The following SS18L1 variants were observed in gnomAD, a reference collection of about 807,000 sequenced individuals.
SS18L1 encodes the protein calcium-responsive transactivator.
In SS18L1, 32 loss-of-function variants were observed where a neutral mutation model predicts 70.3. That is an observed-to-expected ratio of 0.46 (90% CI 0.34 to 0.61). The LOEUF (loss-of-function observed/expected upper bound fraction) is 0.61, where lower values mean the gene tolerates loss of function less well. Among genes scored for constraint, SS18L1 ranks in the 20% least tolerant of loss-of-function variants. The probability of loss-of-function intolerance (pLI) is 0.01; values close to 1 mark genes in which losing one functional copy is unlikely to be tolerated. For missense variants in SS18L1, 430 were observed against 542.1 expected (o/e 0.79, Z 2.05); for synonymous variants, 237 against 229.7 (o/e 1.03, Z -0.29).
chr20:62,160,228 A>G (rs2057299522), intron 3 of SS18L1, among the ~76,000 whole-genome samples: 3 of 123,856 alleles, frequency 2.4e-5, no homozygotes. Flanking sequence ...CGGAGAAGCC[A>G]CTCCAGGAGC....
intron 1 of SS18L1, among the ~76,000 whole-genome samples, chr20:62,155,527 C>T (rs1193269914): frequency 1.3e-5 from 2 of 152,238 alleles, no homozygotes; most frequent in African/African-American, 2.4e-5. Context: ...GGCCGCACCG[C>T]TGTGGCTTCT....
rs2057332423 is a variant in SS18L1 at position 62,161,637 on chromosome 20, T to TGGGCAGCCGGCTGCCATGGTG, written c.376+63_376+83dup. 6.4e-7 allele frequency: 1 copy of TGGGCAGCCGGCTGCCATGGTG among 1,563,930 alleles called. No individual in the cohort carries two copies. On this transcript the variant is annotated intron_variant, in intron 4 of 10. Transcript: ENST00000331758. The surrounding 1 kb of genome is among the most constrained non-coding windows in gnomAD (Gnocchi z 4.4). ...GCTACGAGGCCACCAAGGCAGCCCTTGGGCAGCCGGCTGCCATGGTGGGGC... is the reference window on the plus strand; with the variant it reads ...GCTACGAGGCCACCAAGGCAGCCCTTGGGCAGCCGGCTGCCATGGTGGGGCAGCCGGCTGCCATGGTGGGGC...
intron 1 of SS18L1, among the ~76,000 whole-genome samples, chr20:62,144,473 C>T (rs2056985597): frequency 6.6e-6 from 1 of 152,192 alleles, no homozygotes; most frequent in Non-Finnish European, 1.5e-5. Context: ...CACGGAAGGA[C>T]GCGTCCCGAT....
chr20:62,171,836 T>C (rs534848268), intron 8 of SS18L1, among the ~76,000 whole-genome samples: 1 of 150,638 alleles, frequency 6.6e-6, no homozygotes, highest in African/African-American at 2.4e-5. Flanking sequence ...CTGGGCAACA[T>C]AGAGAGACCC....
intron 1 of SS18L1, among the ~76,000 whole-genome samples, chr20:62,153,479 C>A (rs558649938): frequency 1.3e-5 from 2 of 151,666 alleles, no homozygotes. Flanking sequence ...ACAGGTCACC[C>A]GATAAGGTCT....
At chr20:62,150,875 G>GTGC (rs2057117804) in intron 1 of SS18L1, among the ~76,000 whole-genome samples, 1 of 152,098 alleles carries the variant, frequency 6.6e-6, no homozygotes, top group African/African-American at 2.4e-5. Flanking sequence ...CGGGAGGGGA[G>GTGC]TGCACAGGCT....
At position 62,153,024 on chromosome 20, in the gene SS18L1, A is replaced by G. The variant is rs1026152099; in HGVS notation, c.70-5648A>G. On this transcript the variant is annotated intron_variant, in intron 1 of 10. Transcript: ENST00000331758. ...ATATCTGAGATGGGGTAATTTATAA[A>G]GGAAAGAGGCTTAATTAACTCACAG... Among the ~76,000 whole-genome samples the G allele has an allele frequency of 4.8e-4, 73 of 152,302 alleles. 1 individual carries two copies. The highest frequency in any genetic ancestry group is 4.6e-3 in the Admixed American group (70 of 15,296).
At chr20:62,154,433 G>C (rs2057186643) in intron 1 of SS18L1, 1 of 1,039,570 alleles carries the variant, frequency 9.6e-7, no homozygotes, top group African/African-American at 1.7e-5. Flanking sequence ...TCTCCCTCAG[G>C]ATCAGACCGT....
rs2057283850 is a variant in SS18L1 at position 62,159,388 on chromosome 20, T to G, written c.147-489T>G. ...CTGGGTGTGGGTGGGGTGAAGGGAC[T>G]GGGTCCCCACTGGTGCGAGGTATAC... On this transcript the variant is annotated intron_variant, in intron 2 of 10. Coordinates refer to ENST00000331758, the MANE Select transcript of SS18L1 (RefSeq NM_198935.3). The surrounding 1 kb of genome is among the most constrained non-coding windows in gnomAD (Gnocchi z 4.4). 6.6e-6 allele frequency among the ~76,000 whole-genome samples: 1 copy of G among 152,120 alleles called. No individual in the cohort carries two copies. The highest frequency in any genetic ancestry group is 2.1e-4 in the South Asian group (1 of 4,826).
chr20:62,148,190 C>T (rs1186017604), intron 1 of SS18L1, among the ~76,000 whole-genome samples: 1 of 152,258 alleles, frequency 6.6e-6, no homozygotes, highest in Non-Finnish European at 1.5e-5. Flanking sequence ...TGGGCTCAGC[C>T]CCGGGGAGGG....
At chr20:62,147,122 G>T (rs1229447679) in intron 1 of SS18L1, among the ~76,000 whole-genome samples, 2 of 152,188 alleles carry the variant, frequency 1.3e-5, no homozygotes, top group Non-Finnish European at 2.9e-5. Flanking sequence ...GAGAACCATG[G>T]GGCAGGGGCA....
chr20:62,171,816 C>G (rs996755925), intron 8 of SS18L1, among the ~76,000 whole-genome samples: 1 of 152,102 alleles, frequency 6.6e-6, no homozygotes, highest in Non-Finnish European at 1.5e-5. Context: ...GCCAAGAGTT[C>G]GAGACCAGCC....
chr20:62,174,635 C>A lies in SS18L1; in HGVS notation c.1155C>A (p.Gly385=), dbSNP rs1266894239. ...APSAQQQRPY[G]YEQGQYGNYQ... ...CTGCCCAGCAGCAGCGGCCCTACGGCTATGAACAGGCAAGCTTTCTGGATG... is the reference window on the plus strand; with the variant it reads ...CTGCCCAGCAGCAGCGGCCCTACGGATATGAACAGGCAAGCTTTCTGGATG... The change falls in exon 10 of 11, where the codon GGC becomes GGA. Residue 385 remains glycine (G), a synonymous_variant. Transcript: ENST00000331758. The surrounding 1 kb of genome is among the most constrained non-coding windows in gnomAD (Gnocchi z 4.1). The A allele has an allele frequency of 6.2e-7, 1 of 1,613,602 alleles. No homozygotes were observed. Among genetic ancestry groups the A allele is most frequent in the African/African-American group, 1.3e-5 (1 of 75,030 alleles).
rs971669559 is a variant in SS18L1, at chr20:62,175,518, C to T, written c.1164+874C>T. 31 of 903,248 alleles carry T rather than the reference C, an allele frequency of 3.4e-5. 1 individual carries two copies. The highest frequency in any genetic ancestry group is 1.0e-4 in the South Asian group (2 of 19,746). The allele number at this position is 903,248 out of a possible 1,614,324, so 56.0% of individuals were successfully genotyped here. On this transcript the variant is annotated intron_variant, in intron 10 of 10. Transcript: ENST00000331758. ...CAGTGAAGGCAGCCTGAAGGAGGCT[C>T]GGTGGCTGGAGCACAGGGCATATGA...
At position 62,180,463 on chromosome 20, in the gene SS18L1, T is replaced by G. The variant is rs2057689424; in HGVS notation, c.*1255T>G. 1 of 183,140 alleles carries G rather than the reference T, an allele frequency of 5.5e-6. No individual in the cohort carries two copies. 11.3% of individuals were successfully genotyped at this position (183,140 alleles called of 1,614,324 possible). ...GGAATAATAATATTCATATTTGCTA[T>G]GAATCCTTTTAAAAAAATCTTTGGA... On this transcript the variant is annotated 3_prime_UTR_variant, in exon 11 of 11. Transcript: ENST00000331758.
intron 8 of SS18L1, among the ~76,000 whole-genome samples, chr20:62,169,260 A>T (rs1252067436): frequency 6.6e-6 from 1 of 152,206 alleles, no homozygotes; most frequent in African/African-American, 2.4e-5. Context: ...AATGCAGGCA[A>T]GAGGAGACTG....
At chr20:62,164,929 C>T (rs1029797454) in intron 7 of SS18L1, among the ~76,000 whole-genome samples, 1 of 152,186 alleles carries the variant, frequency 6.6e-6, no homozygotes, top group Admixed American at 6.5e-5. Flanking sequence ...ATAAAGTGGT[C>T]TTAAAGGCTG....
At chr20:62,147,633 T>A (rs2057055232) in intron 1 of SS18L1, among the ~76,000 whole-genome samples, 2 of 152,044 alleles carry the variant, frequency 1.3e-5, no homozygotes, top group African/African-American at 4.8e-5. Context: ...GGTGTCTGGA[T>A]CCCCAGCACC....
chr20:62,165,039 G>T (rs8125714), intron 7 of SS18L1, among the ~76,000 whole-genome samples: 26,792 of 152,280 alleles, frequency 0.18, 3,429 homozygotes, highest in African/African-American at 0.36. Flanking sequence ...AAGCCACCCT[G>T]GCCACGTGAT....
Sources: allele counts gnomAD v4.1 joint callset (sites outside exome capture counted in the v4.1 genomes callset), GRCh38; gene constraint gnomAD v4.1.1; non-coding constraint Gnocchi (gnomAD v3.1); transcripts MANE v1.5; gene names NCBI Gene and HGNC (gene_info 2026-07-23, HGNC 2026-07-21).